CALD1: variants seen among roughly 807,000 people sequenced by gnomAD.
CALD1 encodes the protein caldesmon.
Under a neutral mutation model 99.9 loss-of-function variants are expected in CALD1, and 33 were observed. The observed-to-expected ratio is 0.33, with a 90% CI of 0.25 to 0.44. The LOEUF (loss-of-function observed/expected upper bound fraction) is 0.44. Among genes scored for constraint, CALD1 ranks in the 20% least tolerant of loss-of-function variants. The probability of loss-of-function intolerance (pLI) is 1.00; values close to 1 mark genes in which losing one functional copy is unlikely to be tolerated. For missense variants in CALD1, 861 were observed against 962.1 expected, an observed-to-expected ratio of 0.89 and a Z score of 1.39; for synonymous variants, 310 against 325.0, an observed-to-expected ratio of 0.95 and a Z score of 0.50.
intron 1 of CALD1, among the ~76,000 whole-genome samples, chr7:134,813,315 GA>G (rs2131943450): frequency 6.8e-6 from 1 of 146,082 alleles, no homozygotes; most frequent in African/African-American, 2.5e-5. Flanking sequence ...GTTTAATGAA[GA>G]TTTCTTTTTT....
At chr7:134,902,376 G>T (rs1041627011) in intron 3 of CALD1, among the ~76,000 whole-genome samples, 1 of 152,068 alleles carries the variant, frequency 6.6e-6, no homozygotes, top group Non-Finnish European at 1.5e-5. Context: ...TCCCTTTCCT[G>T]TATATATGTT....
chr7:134,729,544 T>G, the CALD1 span, among the ~76,000 whole-genome samples: 1 of 152,232 alleles, frequency 6.6e-6, no homozygotes, highest in Non-Finnish European at 1.5e-5. Flanking sequence ...AGATGGGAAC[T>G]GTGCCTGTGA....
chr7:134,808,080 A>G (rs1798214557), intron 1 of CALD1, among the ~76,000 whole-genome samples: 1 of 149,466 alleles, frequency 6.7e-6, no homozygotes, highest in Non-Finnish European at 1.5e-5. Context: ...TGTTCCATAC[A>G]TTTGGTAAAG....
chr7:134,874,859 C>T (rs1801274362), intron 3 of CALD1, among the ~76,000 whole-genome samples: 1 of 152,140 alleles, frequency 6.6e-6, no homozygotes, highest in South Asian at 2.1e-4. Flanking sequence ...CTAAAGTCCC[C>T]TCTCAGAACT....
chr7:134,947,167 G>A (rs13237108), intron 7 of CALD1, among the ~76,000 whole-genome samples: 12,457 of 151,904 alleles, frequency 0.082, 770 homozygotes, highest in Non-Finnish European at 0.12. Flanking sequence ...TCTTTTAGAA[G>A]TGTATCAGAA....
chr7:134,803,722 G>T, intron 1 of CALD1, among the ~76,000 whole-genome samples: 1 of 137,512 alleles, frequency 7.3e-6, no homozygotes, highest in Admixed American at 7.9e-5. Flanking sequence ...TTTTGAGACA[G>T]TCTCACTGTG....
At chr7:134,914,347 T>C (rs1035920306) in intron 3 of CALD1, among the ~76,000 whole-genome samples, 1 of 152,174 alleles carries the variant, frequency 6.6e-6, no homozygotes, top group African/African-American at 2.4e-5. Flanking sequence ...TCAACTGAAG[T>C]CTCCTCTTGC....
chr7:134,737,664 G>A, the CALD1 span, among the ~76,000 whole-genome samples: 4 of 152,144 alleles, frequency 2.6e-5, no homozygotes, highest in Non-Finnish European at 4.4e-5. Context: ...ATTCTAATGT[G>A]AGTAGTATCT....
chr7:134,959,294 C>T (rs887691297), intron 11 of CALD1, among the ~76,000 whole-genome samples: 1 of 152,080 alleles, frequency 6.6e-6, no homozygotes, highest in Non-Finnish European at 1.5e-5. Flanking sequence ...GATTCTCCTG[C>T]CTCAGCCTCC....
At chr7:134,889,103 T>C (rs960415825) in intron 3 of CALD1, among the ~76,000 whole-genome samples, 4 of 152,244 alleles carry the variant, frequency 2.6e-5, no homozygotes, top group African/African-American at 9.6e-5. Flanking sequence ...CTTTCTCGCA[T>C]GGCTGCGACA....
intron 13 of CALD1, 166 bp from the exon 14 acceptor site, chr7:134,965,140 T>C (rs751643219): frequency 6.1e-5 from 34 of 560,396 alleles, no homozygotes; most frequent in Non-Finnish European, 1.0e-4. Flanking sequence ...AATAAAAAAA[T>C]CAAACAACAG....
intron 3 of CALD1, among the ~76,000 whole-genome samples, chr7:134,920,258 C>T (rs1028455914): frequency 1.6e-5 from 2 of 125,500 alleles, no homozygotes; most frequent in Non-Finnish European, 3.7e-5. Context: ...GTATTTCATG[C>T]TATGAAATAA....
At chr7:134,806,645 A>C (rs1798149756) in intron 1 of CALD1, among the ~76,000 whole-genome samples, 1 of 152,188 alleles carries the variant, frequency 6.6e-6, no homozygotes, top group Non-Finnish European at 1.5e-5. Context: ...GTCCATATTG[A>C]CCAAAAGTCT....
intron 2 of CALD1, among the ~76,000 whole-genome samples, chr7:134,848,974 A>G (rs770943054): frequency 4.6e-5 from 7 of 152,178 alleles, no homozygotes; most frequent in Non-Finnish European, 1.0e-4. Flanking sequence ...CTCACGTGCC[A>G]TATTAGTTCT....
intron 1 of CALD1, among the ~76,000 whole-genome samples, chr7:134,811,305 TAGGG>T (rs1200673797): frequency 6.6e-6 from 1 of 152,176 alleles, no homozygotes; most frequent in Non-Finnish European, 1.5e-5. Flanking sequence ...CCTGCCTCAC[TAGGG>T]AGTCTTCACT....
At chr7:134,943,769 C>T (rs1303935775) in intron 7 of CALD1, among the ~76,000 whole-genome samples, 2 of 152,162 alleles carry the variant, frequency 1.3e-5, no homozygotes, top group Non-Finnish European at 2.9e-5. Context: ...AATGCACACA[C>T]GTGTGTATAT....
intron 3 of CALD1, among the ~76,000 whole-genome samples, chr7:134,888,528 A>AG (rs987313854): frequency 1.1e-4 from 16 of 152,188 alleles, no homozygotes; most frequent in African/African-American, 3.9e-4. Flanking sequence ...CAGGTCTCAG[A>AG]GGACTCTTGG....
intron 3 of CALD1, among the ~76,000 whole-genome samples, chr7:134,874,604 A>G (rs1381886120): frequency 6.6e-6 from 1 of 152,230 alleles, no homozygotes; most frequent in African/African-American, 2.4e-5. Context: ...CATTACGTTC[A>G]CAGCATCTGC....
chr7:134,873,247 C>G (rs1049934971), intron 3 of CALD1, among the ~76,000 whole-genome samples: 3 of 151,986 alleles, frequency 2.0e-5, no homozygotes, highest in African/African-American at 7.2e-5. Flanking sequence ...TATTCTGCTT[C>G]CCTTTCTGTT....
Sources: allele counts gnomAD v4.1 joint callset (sites outside exome capture counted in the v4.1 genomes callset), GRCh38; gene constraint gnomAD v4.1.1; transcripts MANE v1.5; gene names NCBI Gene and HGNC (gene_info 2026-07-23, HGNC 2026-07-21).